Variants in SPATA31H1 observed in about 807,000 individuals in gnomAD.
SPATA31H1 encodes the protein spermatogenesis-associated protein 31H1.
At chr2:27,581,051 T>G in the SPATA31H1 span, 1 of 1,614,082 alleles carries the variant, frequency 6.2e-7, no homozygotes, top group Non-Finnish European at 8.5e-7. Context: ...TCTATAGAAA[T>G]GAAACCTCCA....
the SPATA31H1 span, among the ~76,000 whole-genome samples, chr2:27,541,333 G>A: frequency 1.1e-4 from 17 of 151,602 alleles, no homozygotes; most frequent in Middle Eastern, 3.4e-3. Context: ...GCAGTGAGCC[G>A]AGATGGCAGC....
At chr2:27,556,373 T>G in the SPATA31H1 span, among the ~76,000 whole-genome samples, 1 of 151,264 alleles carries the variant, frequency 6.6e-6, no homozygotes, top group Non-Finnish European at 1.5e-5. Flanking sequence ...TACCATATAC[T>G]CCCTGCACTG....
At chr2:27,580,808 T>A in the SPATA31H1 span, 1 of 1,614,162 alleles carries the variant, frequency 6.2e-7, no homozygotes, top group Non-Finnish European at 8.5e-7. Context: ...AGAGGTCAGC[T>A]GACAAGCTAA....
chr2:27,547,492 AG>A, the SPATA31H1 span, among the ~76,000 whole-genome samples: 1 of 151,924 alleles, frequency 6.6e-6, no homozygotes. Context: ...TGACCTTTGA[AG>A]TTGTCTTAAC....
chr2:27,577,017 T>C, the SPATA31H1 span: 44 of 1,614,130 alleles, frequency 2.7e-5, no homozygotes, highest in African/African-American at 5.6e-4. This position sits in a 1 kb window ranked among gnomAD's most constrained non-coding sequence, Gnocchi z 4.5. Context: ...ATCTGCAAAT[T>C]TGATTTCAAT....
At chr2:27,554,863 C>T in the SPATA31H1 span, among the ~76,000 whole-genome samples, 2 of 151,982 alleles carry the variant, frequency 1.3e-5, no homozygotes, top group African/African-American at 4.8e-5. Flanking sequence ...TGTGAGCCAC[C>T]GTGCCCAGTC....
At chr2:27,576,303 T>C in the SPATA31H1 span, 2 of 432,840 alleles carry the variant, frequency 4.6e-6, no homozygotes, top group Non-Finnish European at 8.2e-6. Context: ...AGGGACAAAA[T>C]TTCAAGATAT....
the SPATA31H1 span, chr2:27,577,164 C>CA: frequency 2.5e-6 from 4 of 1,613,990 alleles, no homozygotes; most frequent in South Asian, 4.4e-5. The surrounding 1 kb of genome is among the most constrained non-coding windows in gnomAD (Gnocchi z 4.5). Context: ...GATGCTGCTG[C>CA]AGCCAGATCT....
At chr2:27,548,466 G>A in the SPATA31H1 span, among the ~76,000 whole-genome samples, 1 of 151,320 alleles carries the variant, frequency 6.6e-6, no homozygotes, top group South Asian at 2.1e-4. Context: ...AAATTAGCTG[G>A]GTGTGGTGGT....
At chr2:27,576,369 T>C in the SPATA31H1 span, 1 of 528,776 alleles carries the variant, frequency 1.9e-6, no homozygotes, top group Non-Finnish European at 3.3e-6. Flanking sequence ...TTCTGAGGAG[T>C]TCCATTCACA....
At chr2:27,563,387 T>TC in the SPATA31H1 span, among the ~76,000 whole-genome samples, 2 of 75,706 alleles carry the variant, frequency 2.6e-5, no homozygotes, top group African/African-American at 4.5e-5. Flanking sequence ...TTCTACTTCT[T>TC]TTTTTTTTTT....
the SPATA31H1 span, among the ~76,000 whole-genome samples, chr2:27,547,204 C>T: frequency 6.8e-6 from 1 of 147,940 alleles, no homozygotes; most frequent in African/African-American, 2.5e-5. Flanking sequence ...GAGACAGTCT[C>T]ACTCTGTCAC....
chr2:27,538,554 G>A, the SPATA31H1 span, among the ~76,000 whole-genome samples: 1 of 152,064 alleles, frequency 6.6e-6, no homozygotes, highest in Non-Finnish European at 1.5e-5. Context: ...GAACGTAGCC[G>A]GGCGTGGTGG....
the SPATA31H1 span, chr2:27,578,925 A>G: frequency 6.2e-7 from 1 of 1,614,090 alleles, no homozygotes; most frequent in Non-Finnish European, 8.5e-7. Flanking sequence ...TATAGACCCT[A>G]CTATGATACA....
At chr2:27,572,159 T>C in the SPATA31H1 span, 1 of 398,334 alleles carries the variant, frequency 2.5e-6, no homozygotes, top group Non-Finnish European at 4.4e-6. Flanking sequence ...ATATGCAAGA[T>C]GTAAAAGCTA....
the SPATA31H1 span, among the ~76,000 whole-genome samples, chr2:27,542,423 T>G: frequency 6.6e-6 from 1 of 151,886 alleles, no homozygotes; most frequent in Non-Finnish European, 1.5e-5. Context: ...ATAAATAAAA[T>G]TTAGTTCCTC....
chr2:27,579,627 T>A, the SPATA31H1 span: 1 of 1,614,188 alleles, frequency 6.2e-7, no homozygotes, highest in South Asian at 1.1e-5. Flanking sequence ...GCCTGTCTCA[T>A]GTGCAGGGGG....
the SPATA31H1 span, chr2:27,577,752 G>C: frequency 6.2e-7 from 1 of 1,614,104 alleles, no homozygotes; most frequent in Middle Eastern, 1.6e-4. This position sits in a 1 kb window ranked among gnomAD's most constrained non-coding sequence, Gnocchi z 4.5. Flanking sequence ...GATAATATCA[G>C]GGTTAGGACA....
the SPATA31H1 span, chr2:27,578,631 T>C: frequency 6.2e-7 from 1 of 1,614,024 alleles, no homozygotes; most frequent in Non-Finnish European, 8.5e-7. Context: ...GGCTGTGAAA[T>C]CTACAGTGAT....
Sources: gnomAD v4.1 joint callset for allele counts (sites outside exome capture counted in the v4.1 genomes callset) on GRCh38, gnomAD v4.1.1 for gene constraint, Gnocchi (gnomAD v3.1) non-coding constraint, MANE v1.5 for transcripts, NCBI Gene and HGNC (gene_info 2026-07-23, HGNC 2026-07-21) for gene names.